LHX2: variants seen among roughly 807,000 people sequenced by gnomAD.
LHX2 encodes the protein LIM/homeobox protein Lhx2.
Under a neutral mutation model 33.0 loss-of-function variants are expected in LHX2, and 6 were observed. The ratio of observed to expected loss-of-function variants is 0.18; its 90% CI spans 0.10 to 0.36. The LOEUF is 0.36. LHX2 is among the 10% of genes least tolerant of loss of function. LHX2 has a pLI of 1.00. For synonymous variants in LHX2, 292 were observed against 253.1 expected (o/e 1.15, Z -1.46); for missense variants, 442 against 586.2 (o/e 0.75, Z 2.54).
At chr9:124,030,633 T>C (rs34834172) in intron 4 of LHX2, among the ~76,000 whole-genome samples, 37,737 of 124,318 alleles carry the variant, frequency 0.3, 5,963 homozygotes, top group Non-Finnish European at 0.39. Context: ...TTTTCTTTTT[T>C]TTTTTTTTTT....
At chr9:124,029,177 G>A (rs547324113) in intron 4 of LHX2, among the ~76,000 whole-genome samples, 27 of 152,186 alleles carry the variant, frequency 1.8e-4, no homozygotes, top group Admixed American at 6.5e-4. Flanking sequence ...AATAATAGTC[G>A]AATCCACCTA....
At chr9:124,026,898 CACTTCATT>C (rs2118777084) in intron 4 of LHX2, among the ~76,000 whole-genome samples, 1 of 152,288 alleles carries the variant, frequency 6.6e-6, no homozygotes, top group African/African-American at 2.4e-5. Flanking sequence ...CAGGGCAAGT[CACTTCATT>C]ACTTTGAACC....
chr9:124,022,702 G>T (rs774324949), intron 4 of LHX2, among the ~76,000 whole-genome samples: 9 of 152,228 alleles, frequency 5.9e-5, no homozygotes, highest in Admixed American at 1.3e-4. Context: ...TTGTGAGTTT[G>T]TCAGAAACAA....
At chr9:124,021,659 G>A (rs1003268085) in intron 4 of LHX2, among the ~76,000 whole-genome samples, 3 of 152,050 alleles carry the variant, frequency 2.0e-5, no homozygotes, top group African/African-American at 4.8e-5. Context: ...ATCATAAAAG[G>A]TTCAAACATT....
chr9:124,029,710 C>G (rs990645401), intron 4 of LHX2, among the ~76,000 whole-genome samples: 1 of 152,202 alleles, frequency 6.6e-6, no homozygotes, highest in African/African-American at 2.4e-5. Flanking sequence ...AACCCTCGAC[C>G]CAGGCTCCCC....
intron 4 of LHX2, among the ~76,000 whole-genome samples, chr9:124,027,773 G>A (rs538335101): frequency 5.9e-5 from 9 of 151,940 alleles, no homozygotes; most frequent in African/African-American, 1.2e-4. Flanking sequence ...AGCTGAGATC[G>A]CACTACTGTA....
intron 4 of LHX2, among the ~76,000 whole-genome samples, chr9:124,022,904 G>A (rs1859318910): frequency 6.6e-6 from 1 of 152,206 alleles, no homozygotes; most frequent in Admixed American, 6.5e-5. Flanking sequence ...GCCGAGGGAG[G>A]GAGCGTCGGC....
chr9:124,014,245 G>A lies in LHX2; in HGVS notation c.323+82G>A. On this transcript the variant is annotated intron_variant, in intron 2 of 4. Coordinates refer to ENST00000373615, the MANE Select transcript of LHX2 (RefSeq NM_004789.4). This position sits in a 1 kb window ranked among gnomAD's most constrained non-coding sequence, Gnocchi z 4.8. ...CTTACAGTTTGGCCCTCTCCTTTCCGTTTAGTCCCAGGAGAGGGTTCACTA... is the reference window on the plus strand; with the variant it reads ...CTTACAGTTTGGCCCTCTCCTTTCCATTTAGTCCCAGGAGAGGGTTCACTA... 2.2e-6 allele frequency: 2 copies of A among 902,930 alleles called. No homozygotes were observed. The highest frequency in any genetic ancestry group is 2.7e-4 in the Middle Eastern group (1 of 3,662). 55.9% of individuals were successfully genotyped at this position (902,930 alleles called of 1,614,324 possible).
chr9:124,020,361 G>A (rs1478836699), intron 3 of LHX2, among the ~76,000 whole-genome samples: 1 of 152,124 alleles, frequency 6.6e-6, no homozygotes, highest in Non-Finnish European at 1.5e-5. Flanking sequence ...TGCTCCACTT[G>A]TTCACGGAGA....
chr9:124,027,725 G>A (rs76456645), intron 4 of LHX2, among the ~76,000 whole-genome samples: 1 of 152,116 alleles, frequency 6.6e-6, no homozygotes, highest in East Asian at 1.9e-4. Context: ...GGCTGAGGCA[G>A]GAGAATTGCT....
chr9:124,017,813 C>A (rs1859218130), intron 3 of LHX2, among the ~76,000 whole-genome samples: 1 of 152,100 alleles, frequency 6.6e-6, no homozygotes, highest in African/African-American at 2.4e-5. Context: ...GAAAGTCCTT[C>A]CGGGGCGGGG....
chr9:124,021,392 C>CT, intron 4 of LHX2, 88 bp downstream of exon 4: 1 of 1,150,904 alleles, frequency 8.7e-7, no homozygotes, highest in South Asian at 1.4e-5. Flanking sequence ...TTGGAAGGAC[C>CT]TTCCACCCTG....
chr9:124,033,218 TG>T lies in LHX2; in HGVS notation c.*512del, dbSNP rs1212541261. The T allele has an allele frequency of 2.0e-5, 3 of 152,084 alleles. No individual in the cohort carries two copies. The East Asian group carries it at 5.8e-4, about 29-fold the overall frequency. The allele number at this position is 152,084 out of a possible 1,614,324, so 9.4% of individuals were successfully genotyped here. A position where few individuals can be genotyped will look rare whatever the true frequency, so the allele number is the denominator to read the frequency against. On this transcript the variant is annotated 3_prime_UTR_variant, in exon 5 of 5. Transcript: ENST00000373615. Reference sequence around the variant, plus strand: ...AAACCCCCTCCAACGGTCGCTTTGTTGTTTTAGAATTTTAAGGTGGAAGTCT... The same window carrying T: ...AAACCCCCTCCAACGGTCGCTTTGTTTTTTAGAATTTTAAGGTGGAAGTCT...
At chr9:124,018,461 C>T (rs1859233738) in intron 3 of LHX2, among the ~76,000 whole-genome samples, 1 of 152,082 alleles carries the variant, frequency 6.6e-6, no homozygotes, top group Admixed American at 6.5e-5. Flanking sequence ...CCTGCCCTTG[C>T]CTCTGGCCGG....
At chr9:124,029,628 C>T (rs80119968) in intron 4 of LHX2, among the ~76,000 whole-genome samples, 7,686 of 152,254 alleles carry the variant, frequency 0.05, 344 homozygotes, top group African/African-American at 0.12. Flanking sequence ...GGCAACTAAC[C>T]GGGTCCAGCC....
chr9:124,026,319 A>G (rs1828620602), intron 4 of LHX2, among the ~76,000 whole-genome samples: 2 of 151,974 alleles, frequency 1.3e-5, no homozygotes, highest in Non-Finnish European at 2.9e-5. Flanking sequence ...TTAGCTGGGC[A>G]TGGTGGCATG....
rs1859110753 is a variant in LHX2, at chr9:124,012,482, T to TGTGGGGTCGGGGCTGAGAGCTGGG, written c.120+15_120+38dup. ...GACACCGAGACGGTAGGCGCGCGGC[T>TGTGGGGTCGGGGCTGAGAGCTGGG]GTGGGGTCGGGGCTGAGAGCTGGGA... On this transcript the variant is annotated intron_variant, in intron 1 of 4. Coordinates refer to ENST00000373615, the MANE Select transcript of LHX2 (RefSeq NM_004789.4). This position sits in a 1 kb window ranked among gnomAD's most constrained non-coding sequence, Gnocchi z 4.3. 6.5e-7 allele frequency: 1 copy of TGTGGGGTCGGGGCTGAGAGCTGGG among 1,530,784 alleles called. No individual in the cohort carries two copies. The highest frequency in any genetic ancestry group is 1.2e-5 in the South Asian group (1 of 83,154). 94.8% of individuals were successfully genotyped at this position (1,530,784 alleles called of 1,614,324 possible).
rs1859103912 is a variant in LHX2 at position 124,012,280 on chromosome 9, G to T, written c.-69G>T. On this transcript the variant is annotated 5_prime_UTR_variant, in exon 1 of 5. In the 5' UTR this introduces an upstream ATG that the reference lacks. Coordinates refer to ENST00000373615, the MANE Select transcript of LHX2 (RefSeq NM_004789.4). The surrounding 1 kb of genome is among the most constrained non-coding windows in gnomAD (Gnocchi z 4.3). The stretch of plus-strand genomic sequence containing the variant: ...GGGCCCGTTAGCGCCAGGAGCGCCA[G>T]GCAGCTGAGGCGGGGGGCAAGCCCT... The T allele has an allele frequency of 7.2e-7, 1 of 1,391,936 alleles. No individual in the cohort carries two copies. The highest frequency in any genetic ancestry group is 1.5e-5 in the South Asian group (1 of 67,502). The allele number at this position is 1,391,936 out of a possible 1,614,324, so 86.2% of individuals were successfully genotyped here. A position where few individuals can be genotyped will look rare whatever the true frequency, so the allele number is the denominator to read the frequency against.
At chr9:124,024,824 A>G (rs1828584071) in intron 4 of LHX2, among the ~76,000 whole-genome samples, 1 of 152,226 alleles carries the variant, frequency 6.6e-6, no homozygotes, top group African/African-American at 2.4e-5. Flanking sequence ...TGAGTCTCAC[A>G]GCTAGTAAGT....
Sources: allele counts gnomAD v4.1 joint callset (sites outside exome capture counted in the v4.1 genomes callset), GRCh38; gene constraint gnomAD v4.1.1; non-coding constraint Gnocchi (gnomAD v3.1); transcripts MANE v1.5; gene names NCBI Gene and HGNC (gene_info 2026-07-23, HGNC 2026-07-21).